The following PRH1 variants were observed in gnomAD, a reference collection of about 807,000 sequenced individuals.
PRH1 encodes the protein salivary acidic proline-rich phosphoprotein 1/2.
In PRH1, 7 loss-of-function variants were observed where a neutral mutation model predicts 7.9. The observed-to-expected ratio is 0.89, with a 90% confidence interval of 0.50 to 1.67. The LOEUF is 1.67. Ranked by LOEUF, PRH1 falls within the 40% of genes most tolerant of loss-of-function variation. The pLI is 0.00. For missense variants in PRH1, 109 were observed against 223.6 expected (o/e 0.49, Z 3.27); for synonymous variants, 45 against 80.8 (o/e 0.56, Z 2.38).
intron 1 of PRH1, chr12:10,996,613 TA>T (rs936351805): frequency 3.4e-4 from 60 of 175,938 alleles, no homozygotes; most frequent in South Asian, 9.9e-4. Context: ...AAATATCATA[TA>T]AAAAAATGTG....
intron 1 of PRH1, among the ~76,000 whole-genome samples, chr12:11,033,771 G>A (rs1361873768): frequency 2.0e-5 from 3 of 151,916 alleles, no homozygotes; most frequent in Non-Finnish European, 2.9e-5. Flanking sequence ...ATAATGAGAC[G>A]AGTAATAATA....
At chr12:11,089,647 A>C (rs925383873) in intron 1 of PRH1, among the ~76,000 whole-genome samples, 18,521 of 87,952 alleles carry the variant, frequency 0.21, 2,311 homozygotes, top group Non-Finnish European at 0.28. Flanking sequence ...ACATTTTGGT[A>C]AAGTAGCTGG....
At chr12:10,935,743 T>TCAATAGAGAGCAATAAAC (rs1950277948) in intron 2 of PRH1, among the ~76,000 whole-genome samples, 2 of 152,326 alleles carry the variant, frequency 1.3e-5, no homozygotes, top group South Asian at 4.1e-4. Flanking sequence ...TATATTCTTA[T>TCAATAGAGAGCAATAAAC]TTCTTCAAGA....
intron 1 of PRH1, among the ~76,000 whole-genome samples, chr12:11,040,523 C>T (rs1231831670): frequency 6.6e-6 from 1 of 152,164 alleles, no homozygotes; most frequent in South Asian, 2.1e-4. Context: ...AGTGAGAACA[C>T]ACAGACACAG....
At chr12:10,897,175 A>G (rs991414365) in intron 2 of PRH1, among the ~76,000 whole-genome samples, 2 of 152,188 alleles carry the variant, frequency 1.3e-5, no homozygotes, top group Non-Finnish European at 2.9e-5. Context: ...TACTAGCCAC[A>G]TGTCACACGT....
intron 2 of PRH1, among the ~76,000 whole-genome samples, chr12:10,943,057 C>T (rs994006356): frequency 1.3e-5 from 2 of 152,238 alleles, no homozygotes; most frequent in Admixed American, 1.3e-4. Flanking sequence ...TTTGGGGTGT[C>T]TCCCAGGTTC....
At chr12:11,154,222 T>C (rs575643034) in intron 1 of PRH1, among the ~76,000 whole-genome samples, 18 of 152,310 alleles carry the variant, frequency 1.2e-4, no homozygotes, top group African/African-American at 4.3e-4. Context: ...CTCCCATCAG[T>C]AGCATATACT....
intron 2 of PRH1, among the ~76,000 whole-genome samples, chr12:10,947,199 G>C (rs569153614): frequency 2.8e-4 from 42 of 152,034 alleles, no homozygotes; most frequent in Admixed American, 9.2e-4. Flanking sequence ...TTTTCTGCCT[G>C]TATGATCTAA....
chr12:11,057,972 G>A (rs1363189289), intron 1 of PRH1, among the ~76,000 whole-genome samples: 1 of 151,660 alleles, frequency 6.6e-6, no homozygotes, highest in East Asian at 1.9e-4. Flanking sequence ...TTACAGCCCG[G>A]GCCCTGTGGC....
At chr12:11,151,500 A>T (rs1801205828) in intron 1 of PRH1, among the ~76,000 whole-genome samples, 1 of 152,184 alleles carries the variant, frequency 6.6e-6, no homozygotes, top group African/African-American at 2.4e-5. Context: ...CCTTTTAAAC[A>T]CATACGAAGA....
chr12:11,045,561 C>T (rs1942873561), intron 1 of PRH1, among the ~76,000 whole-genome samples: 1 of 151,980 alleles, frequency 6.6e-6, no homozygotes, highest in Non-Finnish European at 1.5e-5. Flanking sequence ...AGTATGTATC[C>T]ACGAAACTTA....
intron 2 of PRH1, among the ~76,000 whole-genome samples, chr12:10,946,380 T>C (rs1950487459): frequency 6.6e-6 from 1 of 151,868 alleles, no homozygotes; most frequent in African/African-American, 2.4e-5. Flanking sequence ...GGAGGGTGTA[T>C]GTGTCCAGGA....
At chr12:10,990,519 G>A (rs1032590299) in intron 1 of PRH1, among the ~76,000 whole-genome samples, 7 of 152,142 alleles carry the variant, frequency 4.6e-5, no homozygotes, top group African/African-American at 1.7e-4. Context: ...GACAAAATCC[G>A]ATCATTCAAA....
chr12:11,027,210 A>G (rs1008218383), intron 1 of PRH1, among the ~76,000 whole-genome samples: 12 of 151,130 alleles, frequency 7.9e-5, no homozygotes, highest in African/African-American at 2.7e-4. Context: ...GGCTGTAATG[A>G]GCTGTGATCC....
chr12:11,168,254 AAG>A (rs1947656979), intron 1 of PRH1, among the ~76,000 whole-genome samples: 1 of 42,896 alleles, frequency 2.3e-5, no homozygotes, highest in Non-Finnish European at 5.6e-5. Flanking sequence ...GAAAGAAAGA[AAG>A]AAAGAAAGAA....
intron 1 of PRH1, among the ~76,000 whole-genome samples, chr12:11,011,895 T>C (rs539117655): frequency 1.1e-4 from 16 of 152,244 alleles, no homozygotes; most frequent in Non-Finnish European, 2.9e-5. Flanking sequence ...GTCCTGTAAT[T>C]TCCAAAATGG....
chr12:11,035,751 G>A (rs1942410236), intron 1 of PRH1, among the ~76,000 whole-genome samples: 1 of 152,026 alleles, frequency 6.6e-6, no homozygotes, highest in African/African-American at 2.4e-5. Flanking sequence ...ATCTGTTGCT[G>A]GGTCATCACC....
chr12:11,091,384 T>C (rs753033072), intron 1 of PRH1: 1 of 1,343,934 alleles, frequency 7.4e-7, no homozygotes, highest in Non-Finnish European at 1.0e-6. Flanking sequence ...GCTTCTTGTT[T>C]CCCCAAATCA....
chr12:10,939,694 T>A (rs1420522752), intron 2 of PRH1, among the ~76,000 whole-genome samples: 2 of 151,810 alleles, frequency 1.3e-5, no homozygotes, highest in Non-Finnish European at 2.9e-5. Flanking sequence ...TGGAGAAAAA[T>A]GGGGAGATGA....
Sources: allele counts gnomAD v4.1 joint callset (sites outside exome capture counted in the v4.1 genomes callset), GRCh38; gene constraint gnomAD v4.1.1; transcripts MANE v1.5; gene names NCBI Gene and HGNC (gene_info 2026-07-23, HGNC 2026-07-21).